The following RAB3C variants were observed in gnomAD, a reference collection of about 807,000 sequenced individuals.
The protein encoded by RAB3C is RAB3C, member RAS oncogene family.
RAB3C carries 17 observed loss-of-function variants against 26.4 expected under a neutral mutation model. That is an observed-to-expected ratio of 0.64 (90% CI 0.44 to 0.97). The LOEUF (loss-of-function observed/expected upper bound fraction) is 0.97. RAB3C is among the 50% of genes least tolerant of loss of function. The probability of loss-of-function intolerance (pLI) is 0.00; values close to 1 mark genes in which losing one functional copy is unlikely to be tolerated. For missense variants in RAB3C, 242 were observed against 281.9 expected, an observed-to-expected ratio of 0.86 and a Z score of 1.01; for synonymous variants, 91 against 95.9, an observed-to-expected ratio of 0.95 and a Z score of 0.30.
chr5:58,608,793 A>G (rs2591917), intron 1 of RAB3C, among the ~76,000 whole-genome samples: 84,525 of 152,016 alleles, frequency 0.56, 23,667 homozygotes, highest in East Asian at 0.68. Flanking sequence ...CAACCCAAAT[A>G]TCCATCAAAG....
chr5:58,603,956 G>A (rs1309942556), intron 1 of RAB3C, among the ~76,000 whole-genome samples: 4 of 152,144 alleles, frequency 2.6e-5, no homozygotes, highest in African/African-American at 7.2e-5. Context: ...GAAGGTCTAG[G>A]GCTGAAGGCT....
chr5:58,600,426 T>C (rs902972159), intron 1 of RAB3C, among the ~76,000 whole-genome samples: 5 of 152,166 alleles, frequency 3.3e-5, no homozygotes, highest in South Asian at 2.1e-4. Context: ...AGATTGCTTT[T>C]GGCAGTATGG....
chr5:58,612,083 G>T (rs1414390812), intron 1 of RAB3C, among the ~76,000 whole-genome samples: 1 of 151,950 alleles, frequency 6.6e-6, no homozygotes, highest in Non-Finnish European at 1.5e-5. Flanking sequence ...CTGTTCCATT[G>T]GTCTATATGT....
chr5:58,623,386 A>G (rs549487818), intron 2 of RAB3C, among the ~76,000 whole-genome samples: 1 of 152,342 alleles, frequency 6.6e-6, no homozygotes, highest in Admixed American at 6.5e-5. Context: ...ATTTATAAGG[A>G]AACAACACTT....
chr5:58,848,178 A>T (rs1284023373), intron 4 of RAB3C, among the ~76,000 whole-genome samples: 1 of 152,170 alleles, frequency 6.6e-6, no homozygotes, highest in Non-Finnish European at 1.5e-5. Flanking sequence ...TATATCTATA[A>T]ATCTAGAATT....
intron 3 of RAB3C, among the ~76,000 whole-genome samples, chr5:58,764,473 T>C (rs1384283384): frequency 6.6e-6 from 1 of 152,196 alleles, no homozygotes; most frequent in Non-Finnish European, 1.5e-5. Flanking sequence ...TTCTTCAGAA[T>C]GAGTGGTTCT....
At chr5:58,596,271 T>G (rs560868814) in intron 1 of RAB3C, among the ~76,000 whole-genome samples, 11 of 151,910 alleles carry the variant, frequency 7.2e-5, no homozygotes, top group African/African-American at 2.7e-4. Context: ...CAAGAGTTCT[T>G]GTGAGGTTTT....
chr5:58,627,471 T>TAAAAAAAAAAAAAAAAAAAA, intron 2 of RAB3C, among the ~76,000 whole-genome samples: 1 of 68,444 alleles, frequency 1.5e-5, no homozygotes. Flanking sequence ...GACTCCGTCT[T>TAAAAAAAAAAAAAAAAAAAA]AAAAAAAAAA....
At chr5:58,655,789 CTTTT>C (rs34352086) in intron 2 of RAB3C, among the ~76,000 whole-genome samples, 32 of 91,640 alleles carry the variant, frequency 3.5e-4, no homozygotes, top group Admixed American at 1.4e-3. Flanking sequence ...AAACCTAACT[CTTTT>C]TTTTTTTTTT....
chr5:58,848,589 G>C (rs1441883071), intron 4 of RAB3C: 1 of 152,222 alleles, frequency 6.6e-6, no homozygotes, highest in African/African-American at 2.4e-5. Flanking sequence ...TGGATAAAAT[G>C]AGTTAAAATG....
At chr5:58,845,814 C>T (rs1743986765) in intron 4 of RAB3C, among the ~76,000 whole-genome samples, 1 of 151,654 alleles carries the variant, frequency 6.6e-6, no homozygotes, top group African/African-American at 2.4e-5. Flanking sequence ...GGAATATTTT[C>T]ATAACCCCAG....
intron 3 of RAB3C, among the ~76,000 whole-genome samples, chr5:58,757,959 T>TTTTC (rs1424262541): frequency 2.0e-4 from 24 of 122,260 alleles, no homozygotes; most frequent in African/African-American, 6.7e-4. Flanking sequence ...GTTTTGTTTT[T>TTTTC]GAGACGGAGT....
At chr5:58,591,840 C>T (rs1010125904) in intron 1 of RAB3C, among the ~76,000 whole-genome samples, 4 of 144,994 alleles carry the variant, frequency 2.8e-5, no homozygotes, top group African/African-American at 7.6e-5. Flanking sequence ...TTCTTTTTTG[C>T]TTAATTACAT....
chr5:58,677,325 G>A (rs13436622), intron 2 of RAB3C, among the ~76,000 whole-genome samples: 25,925 of 152,106 alleles, frequency 0.17, 2,306 homozygotes, highest in African/African-American at 0.2. Context: ...AAATTTCGGG[G>A]AGTGGGCACA....
intron 2 of RAB3C, among the ~76,000 whole-genome samples, chr5:58,643,389 A>G (rs1747451443): frequency 6.6e-6 from 1 of 152,208 alleles, no homozygotes. Context: ...GCTTATTTTT[A>G]TGCATGTTCA....
chr5:58,607,308 T>TTG (rs1204164093), intron 1 of RAB3C, among the ~76,000 whole-genome samples: 79 of 152,242 alleles, frequency 5.2e-4, no homozygotes, highest in Non-Finnish European at 1.5e-4. Context: ...GAAGAAAGGA[T>TTG]ATCAGTGATT....
In RAB3C at chr5:58,855,924, T is replaced by C. The variant is rs1483429011; in HGVS notation, c.*4573T>C. The C allele has an allele frequency of 6.6e-6, 1 of 152,198 alleles. No homozygotes were observed. The highest frequency in any genetic ancestry group is 2.4e-5 in the African/African-American group (1 of 41,458). The allele number at this position is 152,198 out of a possible 1,614,324, so 9.4% of individuals were successfully genotyped here. A position where few individuals can be genotyped will look rare whatever the true frequency, so the allele number is the denominator to read the frequency against. The stretch of plus-strand genomic sequence containing the variant: ...TTGTTACTGGTATTTCACAAATAAT[T>C]TTTTTCTTAAAAATATTTACAGAAA... On this transcript the variant is annotated 3_prime_UTR_variant, in exon 5 of 5. Transcript: ENST00000282878.
chr5:58,604,162 A>G (rs1346224294), intron 1 of RAB3C, among the ~76,000 whole-genome samples: 1 of 152,180 alleles, frequency 6.6e-6, no homozygotes, highest in Admixed American at 6.5e-5. Flanking sequence ...GATGTGAACC[A>G]TCTGTGGGTC....
intron 2 of RAB3C, among the ~76,000 whole-genome samples, chr5:58,653,313 G>A (rs1048871634): frequency 6.6e-6 from 1 of 152,216 alleles, no homozygotes; most frequent in Non-Finnish European, 1.5e-5. Flanking sequence ...TGCTGGAGAG[G>A]ATGTGGAAAA....
Sources: gnomAD v4.1 joint callset for allele counts (sites outside exome capture counted in the v4.1 genomes callset) on GRCh38, gnomAD v4.1.1 for gene constraint, MANE v1.5 for transcripts, NCBI Gene and HGNC (gene_info 2026-07-23, HGNC 2026-07-21) for gene names.